Variants in GDA observed in about 807,000 individuals in gnomAD.
The protein encoded by GDA is guanine deaminase, also known as cytoplasmic PSD-95 interactor.
In GDA, 18 loss-of-function variants were observed where a neutral mutation model predicts 59.6. That is an observed-to-expected ratio of 0.30 (90% CI 0.21 to 0.45). GDA has a LOEUF of 0.45. GDA is among the 20% of genes least tolerant of loss of function. The pLI is 1.00. For missense variants in GDA, 427 were observed against 552.3 expected (o/e 0.77, Z 2.27); for synonymous variants, 201 against 201.1 (o/e 1.00, Z 0.00).
At position 72,248,246 on chromosome 9, in the gene GDA, A is replaced by G. The variant is rs1475011872; in HGVS notation, c.1295-26A>G. The G allele has an allele frequency of 2.7e-6, 4 of 1,491,980 alleles. No individual in the cohort carries two copies. The South Asian group carries it at 4.5e-5, about 17-fold the overall frequency. 92.4% of individuals were successfully genotyped at this position (1,491,980 alleles called of 1,614,324 possible). On this transcript the variant is annotated intron_variant, in intron 13 of 13. Transcript: ENST00000358399. ...ACTTATTGACACAAAAGGATTTTATACATGATTCCTTGATTTTTCTTTCAG... is the reference window on the plus strand; with the variant it reads ...ACTTATTGACACAAAAGGATTTTATGCATGATTCCTTGATTTTTCTTTCAG...
At chr9:72,156,860 T>C (rs1827951250) in intron 1 of GDA, among the ~76,000 whole-genome samples, 1 of 152,064 alleles carries the variant, frequency 6.6e-6, no homozygotes, top group African/African-American at 2.4e-5. Flanking sequence ...GCCCTGCCTT[T>C]TTTGGATACT....
chr9:72,259,328 C>G (rs890092333), downstream of GDA, among the ~76,000 whole-genome samples: 2 of 152,120 alleles, frequency 1.3e-5, no homozygotes, highest in Non-Finnish European at 2.9e-5. Context: ...TGGCCACTTT[C>G]TATTTTTGCA....
rs551301846 is a variant in GDA at position 72,245,491 on chromosome 9, G to A, written c.1266+213G>A. 9.8e-5 allele frequency among the ~76,000 whole-genome samples: 15 copies of A among 152,296 alleles called. No individual in the cohort carries two copies. In the East Asian group the frequency reaches 2.9e-3, roughly 29 times the overall value. ...AAACTTTTATATTTTGAATGTGTTT[G>A]TGTATTTGAATGTATTTGGCTACAA... On this transcript the variant is annotated intron_variant, in intron 12 of 13. Coordinates refer to ENST00000358399, the MANE Select transcript of GDA (RefSeq NM_004293.5).
At chr9:72,253,191 T>C (rs1334557098), downstream of GDA, 2 of 152,200 alleles carry the variant, frequency 1.3e-5, no homozygotes, top group Admixed American at 1.3e-4. Context: ...GAACAAGTCT[T>C]CGGATTGCAC....
intron 3 of GDA, among the ~76,000 whole-genome samples, chr9:72,205,831 A>G (rs148564278): frequency 4.4e-4 from 67 of 152,358 alleles, no homozygotes; most frequent in African/African-American, 1.6e-3. Flanking sequence ...ACACAGTCCA[A>G]TTTGAAGTTT....
rs58242514 is a variant in GDA, at chr9:72,135,221, CGTGTGTGTGT to C, written c.-100+20402_-100+20411del. 5.5e-3 allele frequency among the ~76,000 whole-genome samples: 824 copies of C among 148,534 alleles called. 7 individuals carry two copies. The highest frequency in any genetic ancestry group is 0.018 in the African/African-American group (749 of 40,788). On this transcript the variant is annotated intron_variant, in intron 1 of 13. Transcript: ENST00000545168. ...GATTCTGAACATCATGGCCTACGTA[CGTGTGTGTGT>C]GTGTGTGTGTGTGCGTTTTCAATTT... is the stretch of plus-strand genomic sequence containing the variant.
At chr9:72,177,092 CTTTTTTTT>C (rs58433062) in intron 1 of GDA, among the ~76,000 whole-genome samples, 13 of 67,814 alleles carry the variant, frequency 1.9e-4, no homozygotes, top group East Asian at 9.1e-4. Flanking sequence ...TTATAAACTG[CTTTTTTTT>C]TTTTTTTTTT....
chr9:72,148,468 G>A (rs1290245829), upstream of GDA, among the ~76,000 whole-genome samples: 1 of 152,098 alleles, frequency 6.6e-6, no homozygotes, highest in African/African-American at 2.4e-5. Context: ...CTGGGAGTCC[G>A]GTGCCACTTG....
At chr9:72,259,834 G>A (rs553518312), downstream of GDA, among the ~76,000 whole-genome samples, 57 of 152,330 alleles carry the variant, frequency 3.7e-4, no homozygotes, top group South Asian at 2.9e-3. Context: ...AAGTTACAAA[G>A]AGAATTTGGC....
intron 1 of GDA, among the ~76,000 whole-genome samples, chr9:72,156,365 C>G (rs1175007222): frequency 6.6e-6 from 1 of 152,192 alleles, no homozygotes; most frequent in Non-Finnish European, 1.5e-5. Flanking sequence ...CAGAAGTTCT[C>G]TCAGTCTAAA....
At chr9:72,218,064 C>A (rs1587691273) in intron 5 of GDA, among the ~76,000 whole-genome samples, 1 of 152,082 alleles carries the variant, frequency 6.6e-6, no homozygotes, top group Non-Finnish European at 1.5e-5. Context: ...CAGGCCCCTG[C>A]CACCATGCCC....
In GDA at chr9:72,248,717, T is replaced by C. The variant is rs1423538111; in HGVS notation, c.*375T>C. 9.9e-7 allele frequency: 1 copy of C among 1,009,580 alleles called. No individual in the cohort carries two copies. Among genetic ancestry groups the C allele is most frequent in the Non-Finnish European group, 1.2e-6 (1 of 843,058 alleles). 62.5% of individuals were successfully genotyped at this position (1,009,580 alleles called of 1,614,324 possible). Reference sequence around the variant, plus strand: ...AAGGTTAGATATTTTGAGCTAATAATTGCAAAAATTAGAAGACTGAAAATG... The same window carrying C: ...AAGGTTAGATATTTTGAGCTAATAACTGCAAAAATTAGAAGACTGAAAATG... On this transcript the variant is annotated 3_prime_UTR_variant, in exon 14 of 14. Coordinates refer to ENST00000358399, the MANE Select transcript of GDA (RefSeq NM_004293.5).
At position 72,213,391 on chromosome 9, in the gene GDA, T is replaced by C. The variant is rs190195363; in HGVS notation, c.473-495T>C. Among the ~76,000 whole-genome samples, 55 of 152,278 alleles carry C rather than the reference T, an allele frequency of 3.6e-4. No homozygotes were observed. The East Asian group carries it at 9.2e-3, about 26-fold the overall frequency. On this transcript the variant is annotated intron_variant, in intron 4 of 13. Coordinates refer to ENST00000358399, the MANE Select transcript of GDA (RefSeq NM_004293.5). ...AACTTTTACTGTTTACTGAATATAG[T>C]AGGGAATTTGTGGTGGTTCTTGTTC...
At chr9:72,207,626 C>T (rs1834875898) in intron 3 of GDA, among the ~76,000 whole-genome samples, 1 of 152,134 alleles carries the variant, frequency 6.6e-6, no homozygotes, top group South Asian at 2.1e-4. Flanking sequence ...ATTGGCTTTC[C>T]ACCTGGATTT....
rs199562565 is a variant in GDA at position 72,159,272 on chromosome 9, T to C, written c.123+9590T>C. Among the ~76,000 whole-genome samples, 54 of 152,214 alleles carry C rather than the reference T, an allele frequency of 3.5e-4. No individual in the cohort carries two copies. The East Asian group carries it at 0.01, about 28-fold the overall frequency. On this transcript the variant is annotated intron_variant, in intron 1 of 13. Transcript: ENST00000358399. ...AGCCAGGCATGATGGCAGGTGCCTG[T>C]AATCCCAGCTACTCAGGAGGCTGAG...
intron 3 of GDA, among the ~76,000 whole-genome samples, chr9:72,206,786 T>C (rs1834772263): frequency 6.6e-6 from 1 of 151,714 alleles, no homozygotes; most frequent in Non-Finnish European, 1.5e-5. Context: ...ATAATAATTA[T>C]TATAATTATA....
At chr9:72,194,740 A>G (rs1184963585) in intron 1 of GDA, among the ~76,000 whole-genome samples, 3 of 152,128 alleles carry the variant, frequency 2.0e-5, no homozygotes, top group African/African-American at 7.2e-5. Context: ...TTTTAAGTTT[A>G]TTAGGGCCTC....
At chr9:72,167,220 G>C (rs1414475461) in intron 1 of GDA, among the ~76,000 whole-genome samples, 1 of 152,084 alleles carries the variant, frequency 6.6e-6, no homozygotes, top group African/African-American at 2.4e-5. Context: ...GAAATGCCAG[G>C]CCTCTCATTC....
At chr9:72,225,495 A>G (rs907449970) in intron 7 of GDA, among the ~76,000 whole-genome samples, 182 bp from the exon 8 acceptor site, 1 of 148,688 alleles carries the variant, frequency 6.7e-6, no homozygotes, top group Non-Finnish European at 1.5e-5. Context: ...TGTCATATAC[A>G]TTATATTATC....
Sources: allele counts gnomAD v4.1 joint callset (sites outside exome capture counted in the v4.1 genomes callset), GRCh38; gene constraint gnomAD v4.1.1; transcripts MANE v1.5; gene names NCBI Gene and HGNC (gene_info 2026-07-23, HGNC 2026-07-21).